Variants in PIWIL2 observed in about 807,000 individuals in gnomAD.
PIWIL2 encodes piwi like RNA-mediated gene silencing 2, also known as piwi-like protein 2.
PIWIL2 carries 81 observed loss-of-function variants against 116.5 expected under a neutral mutation model. The ratio of observed to expected loss-of-function variants is 0.70; its 90% CI spans 0.58 to 0.84. The LOEUF is 0.84. PIWIL2 is among the 40% of genes least tolerant of loss of function. The pLI is 0.00. For missense variants in PIWIL2, 1,272 were observed against 1,212.3 expected, an observed-to-expected ratio of 1.05 and a Z score of -0.73; for synonymous variants, 489 against 429.5, an observed-to-expected ratio of 1.14 and a Z score of -1.71.
intron 20 of PIWIL2, among the ~76,000 whole-genome samples, chr8:22,344,578 T>G (rs1832182940): frequency 6.6e-6 from 1 of 151,962 alleles, no homozygotes; most frequent in Non-Finnish European, 1.5e-5. Flanking sequence ...TATCTAAAAT[T>G]TAAAAGAGGC....
chr8:22,328,499 A>G (rs1320103795), intron 20 of PIWIL2, among the ~76,000 whole-genome samples: 1 of 152,168 alleles, frequency 6.6e-6, no homozygotes, highest in Admixed American at 6.6e-5. Flanking sequence ...TAGGGATTGT[A>G]TTGAATATCT....
intron 1 of PIWIL2, among the ~76,000 whole-genome samples, chr8:22,277,423 T>C (rs1253022730): frequency 6.6e-6 from 1 of 152,128 alleles, no homozygotes; most frequent in East Asian, 1.9e-4. Flanking sequence ...GAGAAGGGTG[T>C]TAAATGCAAC....
At chr8:22,348,242 GTGAGCC>G in intron 20 of PIWIL2, among the ~76,000 whole-genome samples, 1 of 151,798 alleles carries the variant, frequency 6.6e-6, no homozygotes, top group Middle Eastern at 3.4e-3. Context: ...GGAGGTTGCA[GTGAGCC>G]GAGATCACAC....
At chr8:22,286,459 CTTG>C (rs1830630962) in intron 6 of PIWIL2, among the ~76,000 whole-genome samples, 1 of 152,068 alleles carries the variant, frequency 6.6e-6, no homozygotes, top group Non-Finnish European at 1.5e-5. Flanking sequence ...AGGAAACAGG[CTTG>C]TTGTGAAACA....
At chr8:22,335,123 T>C (rs1831951096) in intron 20 of PIWIL2, among the ~76,000 whole-genome samples, 1 of 150,358 alleles carries the variant, frequency 6.7e-6, no homozygotes, top group South Asian at 2.1e-4. Context: ...CCAAGATATA[T>C]AGTAAAAAAG....
chr8:22,340,768 T>A (rs928587605), intron 20 of PIWIL2, among the ~76,000 whole-genome samples: 2 of 152,174 alleles, frequency 1.3e-5, no homozygotes, highest in Non-Finnish European at 2.9e-5. Flanking sequence ...TCACCCAGGC[T>A]GGAGTGCAGT....
At chr8:22,286,272 G>A (rs1830627176) in intron 6 of PIWIL2, among the ~76,000 whole-genome samples, 1 of 152,272 alleles carries the variant, frequency 6.6e-6, no homozygotes, top group Non-Finnish European at 1.5e-5. Context: ...CATAGGCCAT[G>A]AGAAGTAGCC....
chr8:22,329,204 A>G (rs1472562446), intron 20 of PIWIL2, among the ~76,000 whole-genome samples: 2 of 152,208 alleles, frequency 1.3e-5, no homozygotes. Flanking sequence ...ATTTTTCTGC[A>G]TATTAACTTT....
chr8:22,336,144 C>G (rs1171301832), intron 20 of PIWIL2, among the ~76,000 whole-genome samples: 1 of 152,176 alleles, frequency 6.6e-6, no homozygotes, highest in Non-Finnish European at 1.5e-5. Flanking sequence ...TGTAGTCTGA[C>G]TATACCTAAC....
chr8:22,326,278 T>C (rs754278123), intron 20 of PIWIL2, among the ~76,000 whole-genome samples: 37 of 152,072 alleles, frequency 2.4e-4, no homozygotes, highest in South Asian at 6.3e-4. Context: ...CCCAGCACTT[T>C]GGGAGGCCAA....
chr8:22,277,277 C>T (rs1180753172), intron 1 of PIWIL2, among the ~76,000 whole-genome samples: 1 of 152,166 alleles, frequency 6.6e-6, no homozygotes, highest in Admixed American at 6.5e-5. Context: ...CCGCCTCGGC[C>T]TCCCAAAGTG....
At chr8:22,282,986 C>A in intron 4 of PIWIL2, 48 bp from the exon 5 acceptor site, 1 of 1,372,864 alleles carries the variant, frequency 7.3e-7, no homozygotes, top group Non-Finnish European at 1.0e-6. Context: ...CTGGATGGGA[C>A]ATAGCTATTA....
chr8:22,338,556 GT>G, intron 20 of PIWIL2, among the ~76,000 whole-genome samples: 1 of 152,256 alleles, frequency 6.6e-6, no homozygotes, highest in South Asian at 2.1e-4. Context: ...GCTGGGTGTG[GT>G]GGTGCGTGCC....
At position 22,354,297 on chromosome 8, in the gene PIWIL2, A is replaced by G. The variant is rs753129031; in HGVS notation, c.2684A>G (p.His895Arg). 60 of 1,612,840 alleles carry G rather than the reference A, an allele frequency of 3.7e-5. No homozygotes were observed. The highest frequency in any genetic ancestry group is 4.8e-5 in the Non-Finnish European group (57 of 1,179,014). ...GTGGATTTCTATCTTCTTGCCCATCATGTACGGCAGGGCTGTGGCATTCCT... is the reference window on the plus strand; with the variant it reads ...GTGGATTTCTATCTTCTTGCCCATCGTGTACGGCAGGGCTGTGGCATTCCT... ...EWVDFYLLAH[H>R]VRQGCGIPTH... The change falls in exon 22 of 23, where the codon CAT (histidine) becomes CGT (arginine). Residue 895 changes from histidine to arginine, a missense_variant. Transcript: ENST00000356766.
At chr8:22,304,494 T>G (rs1831128623) in intron 11 of PIWIL2, among the ~76,000 whole-genome samples, 2 of 152,230 alleles carry the variant, frequency 1.3e-5, no homozygotes, top group African/African-American at 4.8e-5. Context: ...ATTCAAGTCA[T>G]TAATCATTTG....
Position 22,315,143 on chromosome 8 carries a change from C to T in PIWIL2, c.2206C>T (p.Leu736=), listed in dbSNP as rs776840460. 42 of 1,499,454 alleles carry T rather than the reference C, an allele frequency of 2.8e-5. No homozygotes were observed. The East Asian group carries it at 7.9e-4, about 28-fold the overall frequency. The allele number at this position is 1,499,454 out of a possible 1,614,324, so 92.9% of individuals were successfully genotyped here. A position where few individuals can be genotyped will look rare whatever the true frequency, so the allele number is the denominator to read the frequency against. Residue 736 remains leucine, a splice_region_variant and synonymous_variant, in exon 18 of 23, where the codon CTG becomes TTG. Coordinates refer to ENST00000356766, the MANE Select transcript of PIWIL2 (RefSeq NM_018068.5). ...TGAGCTCTGGGGAGTGGATATTCCTCTGGTGAGTGATGCCGAGATGGTTCA... is the reference window on the plus strand; with the variant it reads ...TGAGCTCTGGGGAGTGGATATTCCTTTGGTGAGTGATGCCGAGATGGTTCA... ...GGELWGVDIP[L]KQLMVIGMDV...
chr8:22,298,484 C>T (rs571946087), intron 10 of PIWIL2, among the ~76,000 whole-genome samples: 2 of 152,248 alleles, frequency 1.3e-5, no homozygotes, highest in South Asian at 4.1e-4. Context: ...GATTCAGCAA[C>T]TAGAGCTTAA....
chr8:22,302,581 CTTA>C (rs1391562564), intron 10 of PIWIL2, among the ~76,000 whole-genome samples: 1 of 151,920 alleles, frequency 6.6e-6, no homozygotes, highest in Non-Finnish European at 1.5e-5. Context: ...TCGGTTTTTC[CTTA>C]TTATCATTTT....
chr8:22,290,837 C>A (rs767405612), intron 10 of PIWIL2, among the ~76,000 whole-genome samples: 1 of 151,898 alleles, frequency 6.6e-6, no homozygotes, highest in South Asian at 2.1e-4. Flanking sequence ...TCTGAATAGA[C>A]ATCTGCTGTG....
Sources: allele counts gnomAD v4.1 joint callset (sites outside exome capture counted in the v4.1 genomes callset), GRCh38; gene constraint gnomAD v4.1.1; transcripts MANE v1.5; gene names NCBI Gene and HGNC (gene_info 2026-07-23, HGNC 2026-07-21).